EPM2A: variants seen among roughly 807,000 people sequenced by gnomAD.
EPM2A encodes EPM2A glucan phosphatase, laforin.
Under a neutral mutation model 26.5 loss-of-function variants are expected in EPM2A, and 21 were observed. The observed-to-expected ratio is 0.79, with a 90% CI of 0.56 to 1.14. The LOEUF (loss-of-function observed/expected upper bound fraction) is 1.14. Among genes scored for constraint, EPM2A ranks in the 50% most tolerant of loss-of-function variants. The pLI, the probability that EPM2A is intolerant of heterozygous loss-of-function variation, is 0.00. For synonymous variants in EPM2A, 217 were observed against 177.6 expected (o/e 1.22, Z -1.76); for missense variants, 458 against 440.8 (o/e 1.04, Z -0.35).
chr6:145,562,121 C>A (rs412623), intron 2 of EPM2A, among the ~76,000 whole-genome samples: 66,595 of 133,430 alleles, frequency 0.5, 15,784 homozygotes, highest in African/African-American at 0.6. Context: ...CTTTTGATTA[C>A]AAAAAGGAAA....
intron 4 of EPM2A, among the ~76,000 whole-genome samples, chr6:145,450,791 A>T (rs1359080790): frequency 6.6e-6 from 1 of 152,136 alleles, no homozygotes; most frequent in Non-Finnish European, 1.5e-5. Context: ...GAAATTCTCT[A>T]GGGTAGTAAG....
At chr6:145,523,287 A>G (rs897252656) in intron 2 of EPM2A, among the ~76,000 whole-genome samples, 1 of 152,210 alleles carries the variant, frequency 6.6e-6, no homozygotes, top group Non-Finnish European at 1.5e-5. Flanking sequence ...TCTCAATTAC[A>G]TGAAAATTCA....
intron 4 of EPM2A, among the ~76,000 whole-genome samples, chr6:145,399,730 C>T (rs1441968511): frequency 6.6e-6 from 1 of 152,130 alleles, no homozygotes; most frequent in East Asian, 1.9e-4. Context: ...GCTCATACCT[C>T]CCTTTGTATT....
rs530029510 is a variant in EPM2A, at chr6:145,587,611, G to A, written c.340+47634C>T. ...CAGTACAGCAAATTGAGGACAGAAGGGACTCATTTTCTCAAACAGGTGAAG... is the reference window on the plus strand; with the variant it reads ...CAGTACAGCAAATTGAGGACAGAAGAGACTCATTTTCTCAAACAGGTGAAG... On this transcript the variant is annotated intron_variant, in intron 2 of 3. Transcript: ENST00000450221. Among the ~76,000 whole-genome samples, 3 of 152,176 alleles carry A rather than the reference G, an allele frequency of 2.0e-5. No individual in the cohort carries two copies. In the East Asian group the frequency reaches 5.8e-4, roughly 29 times the overall value.
intron 4 of EPM2A, among the ~76,000 whole-genome samples, chr6:145,398,137 C>T (rs758079175): frequency 3.3e-5 from 5 of 151,760 alleles, no homozygotes; most frequent in Non-Finnish European, 7.4e-5. Context: ...TTGAGATAGG[C>T]CTGTGCATGC....
At chr6:145,472,745 A>G (rs893685790) in intron 4 of EPM2A, among the ~76,000 whole-genome samples, 1 of 152,164 alleles carries the variant, frequency 6.6e-6, no homozygotes, top group Non-Finnish European at 1.5e-5. Context: ...CTCAGCCACA[A>G]TACAATAGAA....
exon 5 of EPM2A, chr6:145,383,532 T>A (rs1171739090): frequency 2.6e-5 from 4 of 152,100 alleles, no homozygotes; most frequent in African/African-American, 9.7e-5. Context: ...CACACACTTT[T>A]AAACAACCAG....
At chr6:145,541,906 G>T (rs1261094884) in intron 2 of EPM2A, among the ~76,000 whole-genome samples, 2 of 151,524 alleles carry the variant, frequency 1.3e-5, no homozygotes, top group Non-Finnish European at 2.9e-5. Context: ...GTAATATGTC[G>T]ATTTTTGGAT....
intron 2 of EPM2A, among the ~76,000 whole-genome samples, chr6:145,510,933 T>C (rs1274546674): frequency 1.3e-5 from 2 of 152,056 alleles, no homozygotes; most frequent in Non-Finnish European, 2.9e-5. Context: ...CCAATAGAAA[T>C]ACAAAATATA....
chr6:145,615,171 C>T lies in EPM2A; in HGVS notation c.340+20074G>A, dbSNP rs1304967084. Among the ~76,000 whole-genome samples the T allele has an allele frequency of 2.6e-5, 4 of 152,204 alleles. No individual in the cohort carries two copies. The East Asian group carries it at 7.7e-4, about 29-fold the overall frequency. Reference sequence around the variant, plus strand: ...ACCCAAATCTCATCTTGAATTCCCACATGTTGTGGGAGGAACCCAGTGGGA... The same window carrying T: ...ACCCAAATCTCATCTTGAATTCCCATATGTTGTGGGAGGAACCCAGTGGGA... On this transcript the variant is annotated intron_variant, in intron 2 of 3. Transcript: ENST00000450221.
intron 2 of EPM2A, among the ~76,000 whole-genome samples, chr6:145,606,434 T>A (rs1316678671): frequency 6.6e-6 from 1 of 151,904 alleles, no homozygotes; most frequent in African/African-American, 2.4e-5. Flanking sequence ...CATTAAATAT[T>A]TGTTTTTGTT....
chr6:145,475,627 T>G (rs774525027), intron 4 of EPM2A, among the ~76,000 whole-genome samples: 1 of 151,840 alleles, frequency 6.6e-6, no homozygotes, highest in Non-Finnish European at 1.5e-5. Flanking sequence ...AAAAAAAATT[T>G]AAAAAGAAAG....
intron 4 of EPM2A, among the ~76,000 whole-genome samples, chr6:145,447,171 TGAAGGAAGAAATAAAA>T (rs978164112): frequency 6.6e-6 from 1 of 152,164 alleles, no homozygotes; most frequent in African/African-American, 2.4e-5. Flanking sequence ...TAAATATTTC[TGAAGGAAGAAATAAAA>T]GAAGGAAGGA....
chr6:145,724,037 CT>C (rs1776076825), intron 1 of EPM2A, among the ~76,000 whole-genome samples: 1 of 152,092 alleles, frequency 6.6e-6, no homozygotes, highest in African/African-American at 2.4e-5. Flanking sequence ...GTGAGGAAAT[CT>C]TGGGGCACTG....
chr6:145,657,770 T>G (rs547991832), intron 2 of EPM2A, among the ~76,000 whole-genome samples: 49 of 152,326 alleles, frequency 3.2e-4, no homozygotes, highest in South Asian at 2.5e-3. Context: ...AAGTTCATTT[T>G]AAGGAACAAT....
chr6:145,394,434 A>G lies in EPM2A; in HGVS notation c.556-10337T>C, dbSNP rs562278182. ...GATTCACTCAGCACTGCCAATTACC[A>G]TACAGATAGAGCCCAACAAACCTCT... On this transcript the variant is annotated intron_variant, in intron 4 of 4. Transcript: ENST00000638717. 1.9e-4 allele frequency among the ~76,000 whole-genome samples: 29 copies of G among 152,202 alleles called. 2 individuals are homozygous for G. The South Asian group carries it at 5.8e-3, about 31-fold the overall frequency.
chr6:145,459,444 C>T lies in EPM2A; in HGVS notation c.555+43078G>A, dbSNP rs116468415. 6.8e-3 allele frequency among the ~76,000 whole-genome samples: 1,039 copies of T among 152,302 alleles called. 6 individuals carry two copies. The highest frequency in any genetic ancestry group is 0.024 in the African/African-American group (1,004 of 41,568). On this transcript the variant is annotated intron_variant, in intron 4 of 4. Transcript: ENST00000638717. ...GTAGAGAGAGGTTGTTTGTTTATTACACTTCCATATTTATTCATCCAAATT... is the reference window on the plus strand; with the variant it reads ...GTAGAGAGAGGTTGTTTGTTTATTATACTTCCATATTTATTCATCCAAATT...
At chr6:145,572,362 G>A (rs1273703158) in intron 2 of EPM2A, among the ~76,000 whole-genome samples, 1 of 152,182 alleles carries the variant, frequency 6.6e-6, no homozygotes, top group African/African-American at 2.4e-5. Flanking sequence ...TGGAGACCAT[G>A]GGCATTTGAG....
At chr6:145,655,129 A>G (rs1365963781) in intron 2 of EPM2A, among the ~76,000 whole-genome samples, 1 of 152,076 alleles carries the variant, frequency 6.6e-6, no homozygotes, top group Non-Finnish European at 1.5e-5. Flanking sequence ...ACTGTAACAA[A>G]TCTAGACTTT....
Sources: allele counts gnomAD v4.1 joint callset (sites outside exome capture counted in the v4.1 genomes callset), GRCh38; gene constraint gnomAD v4.1.1; transcripts MANE v1.5; gene names NCBI Gene and HGNC (gene_info 2026-07-23, HGNC 2026-07-21).